The following ZP1 variants were observed in gnomAD, a reference collection of about 807,000 sequenced individuals.
The protein encoded by ZP1 is zona pellucida glycoprotein 1, also known as zona pellucida sperm-binding protein 1.
In ZP1, 58 loss-of-function variants were observed where a neutral mutation model predicts 67.4. That is an observed-to-expected ratio of 0.86 (90% CI 0.70 to 1.07). ZP1 has a LOEUF of 1.07. ZP1 is among the 50% of genes least tolerant of loss of function. The pLI is 0.00. For synonymous variants in ZP1, 333 were observed against 332.7 expected (o/e 1.00, Z -0.01); for missense variants, 759 against 807.3 (o/e 0.94, Z 0.72).
At position 60,873,172 on chromosome 11, in the gene ZP1, C is replaced by T. The variant is rs763812579; in HGVS notation, c.1123C>T (p.Arg375Cys). The T allele has an allele frequency of 4.3e-5, 68 of 1,588,898 alleles. No homozygotes were observed. Among genetic ancestry groups the T allele is most frequent in the African/African-American group, 3.5e-4 (26 of 74,268 alleles). Residue 375 changes from arginine to cysteine, a missense_variant, in exon 7 of 12, where the codon CGC becomes TGC. Transcript: ENST00000278853. Reference sequence around the variant, plus strand: ...GCACGTGGACTTCAGGCTTCATGTGCGCTGTGTCTTCAACGCCAGTGACTT... The same window carrying T: ...GCACGTGGACTTCAGGCTTCATGTGTGCTGTGTCTTCAACGCCAGTGACTT... ...TRDSTFQLHV[R>C]CVFNASDFLP...
chr11:60,873,888 C>A, intron 9 of ZP1, 113 bp downstream of exon 9: 1 of 1,410,472 alleles, frequency 7.1e-7, no homozygotes, highest in Non-Finnish European at 9.6e-7. Context: ...TGGGATGGGG[C>A]TTGGCGTCTA....
At chr11:60,872,828 G>A (rs1483215765) in intron 6 of ZP1, among the ~76,000 whole-genome samples, 3 of 152,158 alleles carry the variant, frequency 2.0e-5, no homozygotes, top group African/African-American at 7.2e-5. Flanking sequence ...GGCCTCGAAC[G>A]GCACAGCAGG....
At chr11:60,871,797 T>C in intron 6 of ZP1, among the ~76,000 whole-genome samples, 1 of 152,182 alleles carries the variant, frequency 6.6e-6, no homozygotes, top group East Asian at 1.9e-4. Flanking sequence ...CCCTCATTGT[T>C]AGGGGCCTCC....
chr11:60,873,903 G>A (rs1261178327), intron 9 of ZP1, 128 bp downstream of exon 9: 2 of 1,306,476 alleles, frequency 1.5e-6, no homozygotes, highest in African/African-American at 2.9e-5. Flanking sequence ...CGTCTACCAG[G>A]TGTCATGGAA....
chr11:60,869,732 T>C lies in ZP1; in HGVS notation c.514T>C (p.Ser172Pro). 6.2e-7 allele frequency: 1 copy of C among 1,613,756 alleles called. No individual in the cohort carries two copies. Among genetic ancestry groups the C allele is most frequent in the Non-Finnish European group, 8.5e-7 (1 of 1,179,830 alleles). The change falls in exon 3 of 12, where the codon TCC (serine) becomes CCC (proline). Residue 172 changes from serine (S) to proline (P), a missense_variant. Coordinates refer to ENST00000278853, the MANE Select transcript of ZP1 (RefSeq NM_207341.4). Reference protein sequence around the residue: ...LSFLPTSGHTSQGSGHAFPSP... With the variant: ...LSFLPTSGHTPQGSGHAFPSP... ...CTTCCTCCCCACCTCTGGCCATACC[T>C]CCCAAGGCTCTGGCCATGCCTTTCC...
At chr11:60,870,639 C>A (rs1300110399) in intron 4 of ZP1, 164 bp downstream of exon 4, 2 of 892,356 alleles carry the variant, frequency 2.2e-6, no homozygotes, top group African/African-American at 3.4e-5. Flanking sequence ...TCACATGTCC[C>A]AGCTGGCCTT....
At position 60,870,994 on chromosome 11, in the gene ZP1, C is replaced by G. The variant is rs752866850; in HGVS notation, c.864C>G (p.Leu288=). The G allele has an allele frequency of 5.6e-6, 9 of 1,614,084 alleles. No individual in the cohort carries two copies. Among genetic ancestry groups the G allele is most frequent in the Non-Finnish European group, 7.6e-6 (9 of 1,180,030 alleles). The part of the protein sequence containing the change: ...VQCFRDGYFV[L]VVSQEMALTH... ...GCTTCAGAGATGGCTACTTCGTCCT[C>G]GTGGTGTCCCAAGAAATGGCCTTGA... The change falls in exon 5 of 12, where the codon CTC becomes CTG. Residue 288 remains leucine, a synonymous_variant. Transcript: ENST00000278853.
rs757384880 is a variant in ZP1, at chr11:60,875,573, G to A, written c.1834G>A (p.Val612Ile). ...TTGGGCGGTCCTTTTGCTGCCAGCT[G>A]TTGCCCTGGTCCTTGGGTTTGGTGT... ...LLWAVLLLPA[V>I]ALVLGFGVFV... Residue 612 changes from valine (V) to isoleucine (I), a missense_variant, in exon 12 of 12, where the codon GTT becomes ATT. Transcript: ENST00000278853. 3 of 1,614,192 alleles carry A rather than the reference G, an allele frequency of 1.9e-6. No homozygotes were observed. In the South Asian group the frequency reaches 3.3e-5, roughly 18 times the overall value.
rs1391737368 is a variant in ZP1 at position 60,875,556 on chromosome 11, TCC to T, written c.1818_1819del (p.Leu607PhefsTer?). The T allele has an allele frequency of 1.2e-6, 2 of 1,614,060 alleles. No homozygotes were observed. The highest frequency in any genetic ancestry group is 1.7e-6 in the Non-Finnish European group (2 of 1,179,978). ...AGCCTGAGACCTCTCCTTTGGGCGG[TCC>T]TTTTGCTGCCAGCTGTTGCCCTGGT... On this transcript the variant is annotated frameshift_variant, in exon 12 of 12. Coordinates refer to ENST00000278853, the MANE Select transcript of ZP1 (RefSeq NM_207341.4). LOFTEE classifies it low-confidence loss of function (END_TRUNC).
intron 1 of ZP1, among the ~76,000 whole-genome samples, chr11:60,868,754 T>C (rs3888242): frequency 0.4 from 61,001 of 152,076 alleles, 12,645 homozygotes; most frequent in South Asian, 0.48. Context: ...TGTGTGCACC[T>C]AAGAAAGCTC....
At chr11:60,868,262 G>A (rs1442429969) in intron 1 of ZP1, among the ~76,000 whole-genome samples, 2 of 152,126 alleles carry the variant, frequency 1.3e-5, no homozygotes, top group Non-Finnish European at 2.9e-5. Flanking sequence ...GGTCAGGCTG[G>A]TCTCGAACTC....
In ZP1 at chr11:60,870,677, T is replaced by C. The variant is rs1855550181; in HGVS notation, c.826+202T>C. 17 of 700,066 alleles carry C rather than the reference T, an allele frequency of 2.4e-5. No individual in the cohort carries two copies. The South Asian group carries it at 3.3e-4, about 14-fold the overall frequency. 43.4% of individuals were successfully genotyped at this position (700,066 alleles called of 1,614,324 possible). ...AACAACTGTCCCAGGGAACTATTAA[T>C]AGATCTACCTTACACACATCTGGAC... On this transcript the variant is annotated intron_variant, in intron 4 of 11. Transcript: ENST00000278853.
At position 60,869,544 on chromosome 11, in the gene ZP1, G is replaced by A. The variant is rs369565345; in HGVS notation, c.326G>A (p.Arg109His). The A allele has an allele frequency of 8.4e-5, 134 of 1,603,196 alleles. 1 individual carries two copies. Among genetic ancestry groups the A allele is most frequent in the Middle Eastern group, 5.0e-4 (3 of 6,022 alleles). ...RGCHVLEKDGRFHLRVFMEAV... is the reference protein window; with the variant it reads ...RGCHVLEKDGHFHLRVFMEAV... The stretch of plus-strand genomic sequence containing the variant: ...ATGGCCTCTCACCTGCAGGATGGGC[G>A]TTTCCACCTGAGGGTGTTCATGGAG... The change falls in exon 3 of 12, where the codon CGT becomes CAT. Residue 109 changes from arginine (R) to histidine (H), a missense_variant. Transcript: ENST00000278853.
In ZP1 at chr11:60,869,620, C is replaced by G. The variant is rs1267293268; in HGVS notation, c.402C>G (p.Ile134Met). 6.2e-7 allele frequency: 1 copy of G among 1,614,184 alleles called. No individual in the cohort carries two copies. Among genetic ancestry groups the G allele is most frequent in the East Asian group, 2.2e-5 (1 of 44,886 alleles). Reference sequence around the variant, plus strand: ...ATGTGGCACAAGACGCTACTCTGATCTGTCCCAAACCTGACCCCTCCCGGA... The same window carrying G: ...ATGTGGCACAAGACGCTACTCTGATGTGTCCCAAACCTGACCCCTCCCGGA... ...RVDVAQDATL[I>M]CPKPDPSRTL... Residue 134 changes from isoleucine to methionine, a missense_variant, in exon 3 of 12, where the codon ATC (isoleucine) becomes ATG (methionine). Physicochemically the swap from Ile to Met is conservative, Grantham distance 10 (BLOSUM62 1). Coordinates refer to ENST00000278853, the MANE Select transcript of ZP1 (RefSeq NM_207341.4).
chr11:60,869,167 T>C lies in ZP1; in HGVS notation c.219T>C (p.Asp73=), dbSNP rs201527156. The C allele has an allele frequency of 1.1e-4, 183 of 1,614,132 alleles. 1 individual carries two copies. The highest frequency in any genetic ancestry group is 8.6e-5 in the Non-Finnish European group (101 of 1,180,012). ...CAGATGAATTTGGGAACCGATTTGATGTCAACAACTGCTCCATCTGCTACC... is the reference window on the plus strand; with the variant it reads ...CAGATGAATTTGGGAACCGATTTGACGTCAACAACTGCTCCATCTGCTACC... ...KVVDEFGNRF[D]VNNCSICYHW... Residue 73 remains aspartate, a synonymous_variant, in exon 2 of 12, where the codon GAT becomes GAC. Coordinates refer to ENST00000278853, the MANE Select transcript of ZP1 (RefSeq NM_207341.4).
chr11:60,872,441 C>T (rs1201595825), intron 6 of ZP1, among the ~76,000 whole-genome samples: 1 of 152,164 alleles, frequency 6.6e-6, no homozygotes, highest in Admixed American at 6.5e-5. Context: ...CCTCCTATAC[C>T]TACTCAGCAT....
intron 11 of ZP1, 97 bp downstream of exon 11, chr11:60,875,345 C>A: frequency 2.0e-6 from 3 of 1,529,756 alleles, no homozygotes; most frequent in South Asian, 1.3e-5. Flanking sequence ...TAGCTGAGGG[C>A]AAGAGATGGT....
Position 60,867,544 on chromosome 11 carries a change from G to A in ZP1, c.-18G>A. The A allele has an allele frequency of 1.3e-6, 2 of 1,599,446 alleles. No individual in the cohort carries two copies. Among genetic ancestry groups the A allele is most frequent in the South Asian group, 2.2e-5 (2 of 89,720 alleles). On this transcript the variant is annotated 5_prime_UTR_variant, in exon 1 of 12. It adds an upstream start codon to the 5' untranslated region. Transcript: ENST00000278853. ...AGCTCTGGTGGCGAGGGAGTAGGGG[G>A]TGTGTCTGTGGCGTCTCATGGCAGG...
rs201177871 is a variant in ZP1, at chr11:60,867,679, A to G, written c.118A>G (p.Ser40Gly). ...CCCTGGCCTCCCAGGCCTCCGGCAC[A>G]GCTACGACTGTGGGATCAAGGGAAT... ...PDPGLPGLRH[S>G]YDCGIKGMQL... The change falls in exon 1 of 12, where the codon AGC becomes GGC. Residue 40 changes from serine (S) to glycine (G), a missense_variant. Ser to Gly is a moderately conservative substitution (Grantham distance 56). Transcript: ENST00000278853. The G allele has an allele frequency of 5.0e-6, 8 of 1,614,076 alleles. No homozygotes were observed. The East Asian group carries it at 1.8e-4, about 36-fold the overall frequency.
Sources: gnomAD v4.1 joint callset for allele counts (sites outside exome capture counted in the v4.1 genomes callset) on GRCh38, gnomAD v4.1.1 for gene constraint, MANE v1.5 for transcripts, NCBI Gene and HGNC (gene_info 2026-07-23, HGNC 2026-07-21) for gene names.